OPHN1: variants seen among roughly 807,000 people sequenced by gnomAD.
OPHN1 encodes oligophrenin-1.
OPHN1 carries 11 observed loss-of-function variants against 60.7 expected under a neutral mutation model. That is an observed-to-expected ratio of 0.18 (90% confidence interval 0.11 to 0.30). The LOEUF (loss-of-function observed/expected upper bound fraction) is 0.30, where lower values mean the gene tolerates loss of function less well. Among genes scored for constraint, OPHN1 ranks in the 10% least tolerant of loss-of-function variants. The probability of loss-of-function intolerance (pLI) is 1.00; values close to 1 mark genes in which losing one functional copy is unlikely to be tolerated. For synonymous variants in OPHN1, 226 were observed against 222.6 expected, an observed-to-expected ratio of 1.02 and a Z score of -0.14; for missense variants, 449 against 611.0, an observed-to-expected ratio of 0.73 and a Z score of 2.80.
chrX:68,083,242 T>G (rs982890105), intron 19 of OPHN1, among the ~76,000 whole-genome samples: 1 of 102,828 alleles, frequency 9.7e-6, no homozygotes, highest in African/African-American at 3.6e-5. Flanking sequence ...CCGGCTAATT[T>G]TTTGTATTTT....
At chrX:68,062,417 A>G (rs769876352) in intron 21 of OPHN1, among the ~76,000 whole-genome samples, 2 of 112,640 alleles carry the variant, frequency 1.8e-5, no homozygotes, top group African/African-American at 6.4e-5. Context: ...ATTTCACAAC[A>G]TTTTCATGTC....
chrX:68,228,656 A>C (rs1353096344), intron 6 of OPHN1, among the ~76,000 whole-genome samples: 1 of 111,441 alleles, frequency 9.0e-6, no homozygotes, highest in Non-Finnish European at 1.9e-5. Context: ...ACCAAAGACA[A>C]AAACCACATG....
intron 2 of OPHN1, among the ~76,000 whole-genome samples, chrX:68,406,083 G>T (rs2078741617): frequency 9.2e-6 from 1 of 108,772 alleles, no homozygotes; most frequent in Non-Finnish European, 1.9e-5. Flanking sequence ...AGGAGGCAGA[G>T]GCTGCAGTAA....
chrX:68,429,624 G>A (rs1291732293), intron 2 of OPHN1, among the ~76,000 whole-genome samples: 1 of 111,057 alleles, frequency 9.0e-6, no homozygotes, highest in African/African-American at 3.3e-5. Context: ...TGGGGAGACT[G>A]AGGTGGGAGG....
At chrX:68,344,667 G>A (rs1380950703) in intron 2 of OPHN1, among the ~76,000 whole-genome samples, 1 of 110,891 alleles carries the variant, frequency 9.0e-6, no homozygotes, top group Non-Finnish European at 1.9e-5. Flanking sequence ...TTGAACCCAG[G>A]AGTTCAAGAT....
intron 19 of OPHN1, among the ~76,000 whole-genome samples, chrX:68,084,352 G>A (rs1480959261): frequency 1.3e-5 from 1 of 75,685 alleles, no homozygotes; most frequent in Non-Finnish European, 2.5e-5. Context: ...AGAGGGGAGA[G>A]GGAGGAACGG....
rs12012046 is a variant in OPHN1, at chrX:68,147,815, T to C, written c.1277-28483A>G. On this transcript the variant is annotated intron_variant, in intron 15 of 24. Transcript: ENST00000355520. Reference sequence around the variant, plus strand: ...AGTCAATGCCTTAAAAGAATCGTTTTAACATCAATTTGATTAAGCTTCATG... The same window carrying C: ...AGTCAATGCCTTAAAAGAATCGTTTCAACATCAATTTGATTAAGCTTCATG... 2.1e-3 allele frequency among the ~76,000 whole-genome samples: 232 copies of C among 111,869 alleles called. 1 individual carries two copies. The highest frequency in any genetic ancestry group is 7.2e-3 in the African/African-American group (223 of 30,864).
Position 68,117,243 on chromosome X carries a change from C to T in OPHN1, c.1361+2005G>A, listed in dbSNP as rs756334915. Reference sequence around the variant, plus strand: ...TCTTCCCTCCTGCCTCAAGTCTTTGCGTATTCATTTCCCTCTGTCTGGAAC... The same window carrying T: ...TCTTCCCTCCTGCCTCAAGTCTTTGTGTATTCATTTCCCTCTGTCTGGAAC... On this transcript the variant is annotated intron_variant, in intron 16 of 24. Coordinates refer to ENST00000355520, the MANE Select transcript of OPHN1 (RefSeq NM_002547.3). Among the ~76,000 whole-genome samples, 9 of 111,252 alleles carry T rather than the reference C, an allele frequency of 8.1e-5. 1 individual carries two copies. The South Asian group carries it at 2.7e-3, about 33-fold the overall frequency.
At chrX:68,068,296 C>A (rs1372704250) in intron 20 of OPHN1, among the ~76,000 whole-genome samples, 1 of 108,465 alleles carries the variant, frequency 9.2e-6, no homozygotes, top group Non-Finnish European at 1.9e-5. Context: ...ACAGTGAAAC[C>A]CCATCTCTAC....
chrX:68,266,305 G>C (rs1602282863), intron 5 of OPHN1, among the ~76,000 whole-genome samples: 1 of 111,930 alleles, frequency 8.9e-6, no homozygotes, highest in South Asian at 3.8e-4. Context: ...ACAAAGGGAA[G>C]TCCCTCAGAC....
chrX:68,260,538 T>C lies in OPHN1; in HGVS notation c.384+14200A>G, dbSNP rs1294511904. Among the ~76,000 whole-genome samples, 4 of 111,472 alleles carry C rather than the reference T, an allele frequency of 3.6e-5. No homozygotes were observed. The East Asian group carries it at 1.1e-3, about 31-fold the overall frequency. ...TCTGTTTTAAACTAGCTTCTGTTAATAACTATGTGTCCTTCTACAAGTTAT... is the reference window on the plus strand; with the variant it reads ...TCTGTTTTAAACTAGCTTCTGTTAACAACTATGTGTCCTTCTACAAGTTAT... On this transcript the variant is annotated intron_variant, in intron 5 of 24. Coordinates refer to ENST00000355520, the MANE Select transcript of OPHN1 (RefSeq NM_002547.3).
intron 2 of OPHN1, among the ~76,000 whole-genome samples, chrX:68,410,834 G>T (rs1240763988): frequency 8.9e-6 from 1 of 111,750 alleles, no homozygotes; most frequent in Non-Finnish European, 1.9e-5. Flanking sequence ...CATATTCACA[G>T]CGGCATTGTT....
At chrX:68,419,074 C>G (rs1000836590) in intron 2 of OPHN1, among the ~76,000 whole-genome samples, 1 of 110,288 alleles carries the variant, frequency 9.1e-6, no homozygotes, top group Non-Finnish European at 1.9e-5. Flanking sequence ...GTGGTGCGAT[C>G]TCGGCTCACT....
intron 5 of OPHN1, among the ~76,000 whole-genome samples, chrX:68,256,515 T>A (rs1456519248): frequency 9.0e-6 from 1 of 111,694 alleles, no homozygotes; most frequent in African/African-American, 3.3e-5. Flanking sequence ...CCTGGAATCT[T>A]AATATACAGG....
At chrX:68,295,395 G>A (rs980761729) in intron 3 of OPHN1, among the ~76,000 whole-genome samples, 13 of 112,077 alleles carry the variant, frequency 1.2e-4, no homozygotes, top group Non-Finnish European at 2.4e-4. Context: ...GACACTCTCT[G>A]ATATAAGTAT....
intron 20 of OPHN1, among the ~76,000 whole-genome samples, chrX:68,065,714 G>A (rs184676059): frequency 1.8e-5 from 2 of 111,794 alleles, no homozygotes; most frequent in Admixed American, 9.5e-5. Context: ...TGAGGTTATG[G>A]TGAGGATTAC....
At chrX:68,255,592 A>G (rs2077858558) in intron 5 of OPHN1, among the ~76,000 whole-genome samples, 1 of 111,395 alleles carries the variant, frequency 9.0e-6, no homozygotes, top group Non-Finnish European at 1.9e-5. Flanking sequence ...GGAAGAGGGA[A>G]TGCCTTTGGA....
Position 68,231,402 on chromosome X carries a change from C to T in OPHN1, c.486+3085G>A, listed in dbSNP as rs1330028438. Reference sequence around the variant, plus strand: ...TGGAAGACAGTTTGGCAGTTTCTTACGACACTAGATAAAATCTTACCATAT... The same window carrying T: ...TGGAAGACAGTTTGGCAGTTTCTTATGACACTAGATAAAATCTTACCATAT... On this transcript the variant is annotated intron_variant, in intron 6 of 24. Coordinates refer to ENST00000355520, the MANE Select transcript of OPHN1 (RefSeq NM_002547.3). 4.5e-5 allele frequency among the ~76,000 whole-genome samples: 5 copies of T among 111,670 alleles called. No homozygotes were observed. The East Asian group carries it at 1.1e-3, about 25-fold the overall frequency.
chrX:68,227,891 GAAATAACT>G (rs1569251151), intron 6 of OPHN1, among the ~76,000 whole-genome samples: 1 of 107,639 alleles, frequency 9.3e-6, no homozygotes, highest in African/African-American at 3.4e-5. Context: ...CAGAAGGGAA[GAAATAACT>G]AAGATCAGAG....
Sources: allele counts gnomAD v4.1 joint callset (sites outside exome capture counted in the v4.1 genomes callset), GRCh38; gene constraint gnomAD v4.1.1; transcripts MANE v1.5; gene names NCBI Gene and HGNC (gene_info 2026-07-23, HGNC 2026-07-21).